Variants in TMEM88 observed in about 807,000 individuals in gnomAD.
TMEM88 encodes transmembrane protein 88.
Under a neutral mutation model 10.0 loss-of-function variants are expected in TMEM88, and 8 were observed. That is an observed-to-expected ratio of 0.80 (90% CI 0.47 to 1.44). The LOEUF (loss-of-function observed/expected upper bound fraction) is 1.44. Ranked by LOEUF, TMEM88 falls within the 40% of genes most tolerant of loss-of-function variation. TMEM88 has a pLI of 0.00. For synonymous variants in TMEM88, 139 were observed against 104.9 expected (o/e 1.33, Z -1.99); for missense variants, 255 against 217.8 (o/e 1.17, Z -1.07).
Position 7,855,233 on chromosome 17 carries a change from C to T in TMEM88, c.159C>T (p.Ile53=). Residue 53 remains isoleucine, a synonymous_variant, in exon 1 of 2, where the codon ATC becomes ATT. Transcript: ENST00000301599. The stretch of plus-strand genomic sequence containing the variant: ...TGCTGGTGCTGGTGCTAGGGACCAT[C>T]TTGCTACCCGCTGTCACCATGCTGG... ...LLLLVLVLGT[I]LLPAVTMLGF... 6.2e-7 allele frequency: 1 copy of T among 1,607,232 alleles called. No individual in the cohort carries two copies. The highest frequency in any genetic ancestry group is 8.5e-7 in the Non-Finnish European group (1 of 1,177,344).
Position 7,855,637 on chromosome 17 carries a change from C to G in TMEM88, c.403C>G (p.Arg135Gly). 1.2e-6 allele frequency: 2 copies of G among 1,608,194 alleles called. No homozygotes were observed. The highest frequency in any genetic ancestry group is 2.2e-5 in the South Asian group (2 of 90,918). The part of the protein sequence containing the change: ...PYSRALYRRR[R>G]APQPRQIRAS... ...CAGCCGAGCCCTTTATCGGCGTCGG[C>G]GCGCCCCGCAGCCGCGGCAAATCCG... is the stretch of plus-strand genomic sequence containing the variant. The change falls in exon 2 of 2, where the codon CGC (arginine) becomes GGC (glycine). Residue 135 changes from arginine to glycine, a missense_variant. By Grantham distance (125) the Arg-to-Gly change is moderately radical (BLOSUM62 -2). Coordinates refer to ENST00000301599, the MANE Select transcript of TMEM88 (RefSeq NM_203411.2).
Position 7,855,823 on chromosome 17 carries a change from G to A in TMEM88, c.*109G>A. On this transcript the variant is annotated 3_prime_UTR_variant, in exon 2 of 2. Coordinates refer to ENST00000301599, the MANE Select transcript of TMEM88 (RefSeq NM_203411.2). ...GCCCTGCCCCCACCCCTGCCTGAGC[G>A]GAGTCCTAGCATCCCCTTGGGAGCA... 4.2e-6 allele frequency: 6 copies of A among 1,427,138 alleles called. No homozygotes were observed. The highest frequency in any genetic ancestry group is 4.6e-6 in the Non-Finnish European group (5 of 1,092,802). 88.4% of individuals were successfully genotyped at this position (1,427,138 alleles called of 1,614,324 possible). A position where few individuals can be genotyped will look rare whatever the true frequency, so the allele number is the denominator to read the frequency against.
Position 7,855,851 on chromosome 17 carries a change from A to G in TMEM88, c.*137A>G. ...GTCCTAGCATCCCCTTGGGAGCAGC[A>G]GCGTCAGTGGACCCAGTGCTGAGAA... On this transcript the variant is annotated 3_prime_UTR_variant, in exon 2 of 2. Coordinates refer to ENST00000301599, the MANE Select transcript of TMEM88 (RefSeq NM_203411.2). 7.0e-7 allele frequency: 1 copy of G among 1,422,444 alleles called. No homozygotes were observed. The highest frequency in any genetic ancestry group is 9.2e-7 in the Non-Finnish European group (1 of 1,091,112). The allele number at this position is 1,422,444 out of a possible 1,614,324, so 88.1% of individuals were successfully genotyped here. A position where few individuals can be genotyped will look rare whatever the true frequency, so the allele number is the denominator to read the frequency against.
In TMEM88 at chr17:7,855,204, C is replaced by T. The variant is rs2270518; in HGVS notation, c.130C>T (p.Leu44Phe). The T allele has an allele frequency of 0.011, 17,115 of 1,609,500 alleles. 1,024 individuals are homozygous for T. In the East Asian group the frequency reaches 0.2, roughly 18 times the overall value. ...QNLLVAAFNLLLLVLVLGTIL... is the reference protein window; with the variant it reads ...QNLLVAAFNLFLLVLVLGTIL... ...TCTGCTGGTGGCTGCCTTCAATCTT[C>T]TCCTGCTGGTGCTGGTGCTAGGGAC... The change falls in exon 1 of 2, where the codon CTC (leucine) becomes TTC (phenylalanine). Residue 44 changes from leucine to phenylalanine, a missense_variant. Transcript: ENST00000301599.
rs755845109 is a variant in TMEM88 at position 7,855,429 on chromosome 17, G to T, written c.211-16G>T. ...ATCGCCTGGTCGGCTTGGGCCTGAC[G>T]CCTCTTCTCCCACAGTTCCTGCGCT... On this transcript the variant is annotated splice_polypyrimidine_tract_variant and intron_variant, in intron 1 of 1. Transcript: ENST00000301599. 1.9e-6 allele frequency: 3 copies of T among 1,600,330 alleles called. No individual in the cohort carries two copies. The highest frequency in any genetic ancestry group is 2.5e-6 in the Non-Finnish European group (3 of 1,178,494).
rs1388472153 is a variant in TMEM88, at chr17:7,855,573, C to T, written c.339C>T (p.Leu113=). The change falls in exon 2 of 2, where the codon CTC becomes CTT. Residue 113 remains leucine, a synonymous_variant. Coordinates refer to ENST00000301599, the MANE Select transcript of TMEM88 (RefSeq NM_203411.2). ...TTGCTCTGGCCAGCTACCGCCGCCT[C>T]TGCCTGCGCCTCCGCCTAGCCGATT... ...LVLALASYRR[L]CLRLRLADCL... 2.5e-6 allele frequency: 4 copies of T among 1,608,070 alleles called. No homozygotes were observed. In the Admixed American group the frequency reaches 6.7e-5, roughly 27 times the overall value.
chr17:7,855,123 G>A lies in TMEM88; in HGVS notation c.49G>A (p.Glu17Lys), dbSNP rs2078786839. The A allele has an allele frequency of 6.2e-7, 1 of 1,609,746 alleles. No homozygotes were observed. Among genetic ancestry groups the A allele is most frequent in the South Asian group, 1.1e-5 (1 of 90,830 alleles). ...AQRAVPGDGP[E>K]PRDPLDCWAC... ...GCGAGCGGTTCCTGGTGACGGCCCA[G>A]AGCCCCGGGACCCCCTGGACTGTTG... The change falls in exon 1 of 2, where the codon GAG becomes AAG. Residue 17 changes from glutamate to lysine, a missense_variant. Physicochemically the swap from Glu to Lys is moderately conservative, Grantham distance 56. Transcript: ENST00000301599.
intron 1 of TMEM88, 30 bp from the exon 2 acceptor site, chr17:7,855,415 G>A (rs766939680): frequency 2.5e-6 from 4 of 1,598,212 alleles, no homozygotes; most frequent in Non-Finnish European, 2.5e-6. Flanking sequence ...TCGCCTGGTC[G>A]GCTTGGGCCT....
In TMEM88 at chr17:7,855,174, C is replaced by G; in HGVS notation, c.100C>G (p.Gln34Glu). 1 of 1,611,384 alleles carries G rather than the reference C, an allele frequency of 6.2e-7. No homozygotes were observed. Among genetic ancestry groups the G allele is most frequent in the Non-Finnish European group, 8.5e-7 (1 of 1,179,204 alleles). ...GGCCTGCGCTGTTCTTGTAACAGCC[C>G]AGAATCTGCTGGTGGCTGCCTTCAA... ...CWACAVLVTA[Q>E]NLLVAAFNLL... Residue 34 changes from glutamine (Q) to glutamate (E), a missense_variant, in exon 1 of 2, where the codon CAG (glutamine) becomes GAG (glutamate). Physicochemically the swap from Gln to Glu is conservative, Grantham distance 29 (BLOSUM62 2). Transcript: ENST00000301599.
chr17:7,855,230 C>T lies in TMEM88; in HGVS notation c.156C>T (p.Thr52=). The change falls in exon 1 of 2, where the codon ACC becomes ACT. Residue 52 remains threonine (T), a synonymous_variant. Transcript: ENST00000301599. The stretch of plus-strand genomic sequence containing the variant: ...TCCTGCTGGTGCTGGTGCTAGGGAC[C>T]ATCTTGCTACCCGCTGTCACCATGC... The part of the protein sequence containing the change: ...NLLLLVLVLG[T]ILLPAVTMLG... 6.2e-7 allele frequency: 1 copy of T among 1,607,440 alleles called. No homozygotes were observed. The highest frequency in any genetic ancestry group is 1.1e-5 in the South Asian group (1 of 89,930).
rs778571448 is a variant in TMEM88, at chr17:7,855,505, C to T, written c.271C>T (p.Leu91=). The change falls in exon 2 of 2, where the codon CTA becomes TTA. Residue 91 remains leucine (L), a synonymous_variant. Coordinates refer to ENST00000301599, the MANE Select transcript of TMEM88 (RefSeq NM_203411.2). Reference sequence around the variant, plus strand: ...CCTGCGGGACCCCGGTTTCACGGCCCTACTGGTCACCGGATTCCTGCTCCT... The same window carrying T: ...CCTGCGGGACCCCGGTTTCACGGCCTTACTGGTCACCGGATTCCTGCTCCT... The part of the protein sequence containing the change: ...AHLRDPGFTA[L]LVTGFLLLVP... 1.2e-6 allele frequency: 2 copies of T among 1,608,824 alleles called. No homozygotes were observed. Among genetic ancestry groups the T allele is most frequent in the South Asian group, 1.1e-5 (1 of 91,082 alleles).
In TMEM88 at chr17:7,855,471, C is replaced by A; in HGVS notation, c.237C>A (p.Cys79Ter). 1 of 1,606,340 alleles carries A rather than the reference C, an allele frequency of 6.2e-7. No homozygotes were observed. The highest frequency in any genetic ancestry group is 1.1e-5 in the South Asian group (1 of 91,042). The change falls in exon 2 of 2, where the codon TGC (cysteine) becomes TGA (stop). Residue 79 changes from cysteine (C) to a stop codon, truncating the protein, a stop_gained. Coordinates refer to ENST00000301599, the MANE Select transcript of TMEM88 (RefSeq NM_203411.2). LOFTEE classifies it high-confidence loss of function. The part of the protein sequence containing the change: ...SQFLRSQAPP[C>*]TAHLRDPGFT... ...TCCTGCGCTCCCAGGCACCCCCTTG[C>A]ACCGCGCACCTGCGGGACCCCGGTT...
chr17:7,855,856 C>T lies in TMEM88; in HGVS notation c.*142C>T. On this transcript the variant is annotated 3_prime_UTR_variant, in exon 2 of 2. Coordinates refer to ENST00000301599, the MANE Select transcript of TMEM88 (RefSeq NM_203411.2). ...AGCATCCCCTTGGGAGCAGCAGCGT[C>T]AGTGGACCCAGTGCTGAGAAAAGCC... is the stretch of plus-strand genomic sequence containing the variant. The T allele has an allele frequency of 1.4e-6, 2 of 1,420,400 alleles. No homozygotes were observed. The highest frequency in any genetic ancestry group is 1.8e-6 in the Non-Finnish European group (2 of 1,090,304). The allele number at this position is 1,420,400 out of a possible 1,614,324, so 88.0% of individuals were successfully genotyped here. A position where few individuals can be genotyped will look rare whatever the true frequency, so the allele number is the denominator to read the frequency against.
At chr17:7,855,325 T>A (rs1324489164) in intron 1 of TMEM88, 41 bp downstream of exon 1, 23 of 1,589,180 alleles carry the variant, frequency 1.4e-5, no homozygotes, top group Non-Finnish European at 1.9e-5. Context: ...GTGTGAGTGT[T>A]GGTGTGTGGT....
Position 7,856,086 on chromosome 17 carries a change from T to G in TMEM88, c.*372T>G, listed in dbSNP as rs2078805494. The G allele has an allele frequency of 6.1e-6, 5 of 819,736 alleles. No individual in the cohort carries two copies. The highest frequency in any genetic ancestry group is 1.7e-6 in the Non-Finnish European group (1 of 602,250). 50.8% of individuals were successfully genotyped at this position (819,736 alleles called of 1,614,324 possible). A position where few individuals can be genotyped will look rare whatever the true frequency, so the allele number is the denominator to read the frequency against. ...AGGAGTGTCCACGCATCAATAAAGA[T>G]TTAACGAACTGAACGCGCTCTGCGA... On this transcript the variant is annotated 3_prime_UTR_variant, in exon 2 of 2. Transcript: ENST00000301599.
Position 7,855,644 on chromosome 17 carries a change from C to T in TMEM88, c.410C>T (p.Pro137Leu), listed in dbSNP as rs776199380. 6.8e-6 allele frequency: 11 copies of T among 1,607,694 alleles called. No individual in the cohort carries two copies. In the African/African-American group the frequency reaches 1.5e-4, roughly 21 times the overall value. Residue 137 changes from proline (P) to leucine (L), a missense_variant, in exon 2 of 2, where the codon CCG becomes CTG. Coordinates refer to ENST00000301599, the MANE Select transcript of TMEM88 (RefSeq NM_203411.2). ...GCCCTTTATCGGCGTCGGCGCGCCC[C>T]GCAGCCGCGGCAAATCCGGGCCTCA... ...SRALYRRRRA[P>L]QPRQIRASPG... is the part of the protein sequence containing the mutation.
Position 7,855,679 on chromosome 17 carries a change from C to T in TMEM88, c.445C>T (p.Gln149Ter). 6.3e-7 allele frequency: 1 copy of T among 1,597,248 alleles called. No homozygotes were observed. Among genetic ancestry groups the T allele is most frequent in the Non-Finnish European group, 8.5e-7 (1 of 1,172,260 alleles). The change falls in exon 2 of 2, where the codon CAG becomes TAG. Residue 149 changes from glutamine (Q) to a stop codon, truncating the protein, a stop_gained. Transcript: ENST00000301599. LOFTEE classifies it high-confidence loss of function. ...GCAAATCCGGGCCTCACCAGGGTCC[C>T]AGGCCGTTCCCACATCAGGAAAGGT... ...PRQIRASPGS[Q>*]AVPTSGKVWV
rs146914626 is a variant in TMEM88 at position 7,855,086 on chromosome 17, C to T, written c.12C>T (p.Val4=). The T allele has an allele frequency of 3.7e-6, 6 of 1,601,972 alleles. No individual in the cohort carries two copies. Among genetic ancestry groups the T allele is most frequent in the Non-Finnish European group, 3.4e-6 (4 of 1,179,408 alleles). MAD[V]PGAQRAVPGD... is the part of the protein sequence containing the mutation. Reference sequence around the variant, plus strand: ...GATCCAGGCGGGCCATGGCGGATGTCCCCGGGGCACAGCGAGCGGTTCCTG... The same window carrying T: ...GATCCAGGCGGGCCATGGCGGATGTTCCCGGGGCACAGCGAGCGGTTCCTG... The change falls in exon 1 of 2, where the codon GTC becomes GTT. Residue 4 remains valine (V), a synonymous_variant. Coordinates refer to ENST00000301599, the MANE Select transcript of TMEM88 (RefSeq NM_203411.2).
Position 7,855,609 on chromosome 17 carries a change from C to T in TMEM88, c.375C>T (p.Pro125=), listed in dbSNP as rs746925614. The T allele has an allele frequency of 3.1e-6, 5 of 1,608,866 alleles. No homozygotes were observed. The highest frequency in any genetic ancestry group is 2.7e-5 in the African/African-American group (2 of 74,940). Reference sequence around the variant, plus strand: ...TCCGCCTAGCCGATTGCCTCGTGCCCTACAGCCGAGCCCTTTATCGGCGTC... The same window carrying T: ...TCCGCCTAGCCGATTGCCTCGTGCCTTACAGCCGAGCCCTTTATCGGCGTC... ...LRLRLADCLV[P]YSRALYRRRR... is the part of the protein sequence containing the mutation. The change falls in exon 2 of 2, where the codon CCC becomes CCT. Residue 125 remains proline (P), a synonymous_variant. Transcript: ENST00000301599.
Sources: gnomAD v4.1 joint callset for allele counts on GRCh38, gnomAD v4.1.1 for gene constraint, MANE v1.5 for transcripts, NCBI Gene and HGNC (gene_info 2026-07-23, HGNC 2026-07-21) for gene names.